The following USP16 variants were observed in gnomAD, a reference collection of about 807,000 sequenced individuals.
USP16 encodes the protein ubiquitin carboxyl-terminal hydrolase 16.
In USP16, 77 loss-of-function variants were observed where a neutral mutation model predicts 95.9. The observed-to-expected ratio is 0.80, with a 90% CI of 0.67 to 0.97. The LOEUF is 0.97. USP16 is among the 50% of genes least tolerant of loss of function. USP16 has a pLI of 0.00. For missense variants in USP16, 943 were observed against 959.9 expected, an observed-to-expected ratio of 0.98 and a Z score of 0.23; for synonymous variants, 303 against 318.2, an observed-to-expected ratio of 0.95 and a Z score of 0.51.
chr21:29,042,762 T>TTAC (rs2085264142), intron 12 of USP16: 1 of 422,240 alleles, frequency 2.4e-6, no homozygotes, highest in Non-Finnish European at 4.1e-6. Context: ...ATTAGTTTGA[T>TTAC]TGGTTTCCAT....
chr21:29,039,641 A>C, intron 9 of USP16, 73 bp downstream of exon 9: 1 of 1,413,908 alleles, frequency 7.1e-7, no homozygotes, highest in Non-Finnish European at 9.5e-7. Context: ...ATATCTTACG[A>C]GTTAAAACAA....
intron 2 of USP16, among the ~76,000 whole-genome samples, chr21:29,028,405 G>A (rs1349754447): frequency 1.3e-5 from 2 of 148,896 alleles, no homozygotes; most frequent in African/African-American, 5.0e-5. Context: ...AGGATTACAC[G>A]TGAGAGCCAC....
intron 16 of USP16, among the ~76,000 whole-genome samples, chr21:29,051,021 A>G (rs752514513): frequency 6.6e-6 from 1 of 152,126 alleles, no homozygotes; most frequent in South Asian, 2.1e-4. Context: ...AGATAGAAGG[A>G]ATATTTCAGG....
At chr21:29,032,994 C>T (rs948634462) in intron 3 of USP16, among the ~76,000 whole-genome samples, 1 of 151,974 alleles carries the variant, frequency 6.6e-6, no homozygotes, top group Non-Finnish European at 1.5e-5. Context: ...ATACTGATAT[C>T]TCATTGTGGT....
Position 29,036,356 on chromosome 21 carries a change from A to C in USP16, c.430A>C (p.Ile144Leu), listed in dbSNP as rs200075943. The change falls in exon 5 of 18, where the codon ATT becomes CTT. Residue 144 changes from isoleucine to leucine, a missense_variant. Transcript: ENST00000399976. ...VVDYVRKQAS[I>L]TTPKPAEKDN... ...TGATTATGTCAGAAAACAAGCCAGC[A>C]TTACAACTCCAAAGCCAGGTAAAAT... The C allele has an allele frequency of 6.2e-7, 1 of 1,613,966 alleles. No individual in the cohort carries two copies. Among genetic ancestry groups the C allele is most frequent in the East Asian group, 2.2e-5 (1 of 44,836 alleles).
At chr21:29,032,834 A>G (rs2085097178) in intron 3 of USP16, among the ~76,000 whole-genome samples, 1 of 152,150 alleles carries the variant, frequency 6.6e-6, no homozygotes, top group African/African-American at 2.4e-5. Context: ...TTTTTAAGAA[A>G]CTGCCAAACT....
chr21:29,040,734 G>A, intron 10 of USP16, 47 bp downstream of exon 10: 2 of 1,036,624 alleles, frequency 1.9e-6, no homozygotes, highest in African/African-American at 1.6e-5. Flanking sequence ...GAATTCCTCT[G>A]TACCTTAGGA....
intron 8 of USP16, 41 bp from the exon 9 acceptor site, chr21:29,039,440 T>TAGA (rs1356673217): frequency 5.1e-6 from 8 of 1,583,966 alleles, no homozygotes; most frequent in Non-Finnish European, 6.1e-6. Flanking sequence ...CAGAGCTTAG[T>TAGA]AGACTGAAGA....
intron 3 of USP16, among the ~76,000 whole-genome samples, chr21:29,033,810 A>G (rs2085111693): frequency 6.6e-6 from 1 of 152,228 alleles, no homozygotes; most frequent in Non-Finnish European, 1.5e-5. Context: ...GAATTTGTTT[A>G]AAGGAAGGAG....
chr21:29,024,815 C>T (rs945573370), intron 1 of USP16, 38 bp downstream of exon 1: 2 of 1,252,852 alleles, frequency 1.6e-6, no homozygotes, highest in Admixed American at 2.7e-5. Flanking sequence ...TCGTCGCTCG[C>T]CTGGCTTTCT....
chr21:29,043,535 T>C lies in USP16; in HGVS notation c.1292T>C (p.Ile431Thr), dbSNP rs1303545519. ...AGTTACATAAAAGAGAGAAGTGATA[T>C]TCCTTCTGGAACAAGTAAGCACTTA... ...NDSYIKERSD[I>T]PSGTSKHLQK... Residue 431 changes from isoleucine to threonine, a missense_variant, in exon 13 of 18, where the codon ATT becomes ACT. Ile to Thr is a moderately conservative substitution (Grantham distance 89). Coordinates refer to ENST00000399976, the MANE Select transcript of USP16 (RefSeq NM_006447.3). 3 of 1,600,514 alleles carry C rather than the reference T, an allele frequency of 1.9e-6. No individual in the cohort carries two copies. The highest frequency in any genetic ancestry group is 8.5e-7 in the Non-Finnish European group (1 of 1,174,888).
At chr21:29,047,876 T>G (rs1249020881) in intron 14 of USP16, among the ~76,000 whole-genome samples, 2 of 151,920 alleles carry the variant, frequency 1.3e-5, no homozygotes, top group African/African-American at 4.8e-5. Context: ...AAGTAGAATT[T>G]TATTTATTTA....
intron 13 of USP16, among the ~76,000 whole-genome samples, chr21:29,044,624 T>C (rs1301990585): frequency 1.3e-5 from 2 of 152,032 alleles, no homozygotes; most frequent in Non-Finnish European, 1.5e-5. Context: ...ACTTTTGTAT[T>C]TTTAGTAAAG....
In USP16 at chr21:29,050,167, C is replaced by G. The variant is rs2085392892; in HGVS notation, c.2182C>G (p.Leu728Val). ...CTTAGATTTGGCTCCTTTTTGCACC[C>G]TTAAATGTAAGGTAAGTCAAAGTGG... ...EILDLAPFCT[L>V]KCKNVAEENT... The change falls in exon 16 of 18, where the codon CTT becomes GTT. Residue 728 changes from leucine to valine, a missense_variant. By Grantham distance (32) the Leu-to-Val change is conservative. Coordinates refer to ENST00000399976, the MANE Select transcript of USP16 (RefSeq NM_006447.3). 3 of 1,613,088 alleles carry G rather than the reference C, an allele frequency of 1.9e-6. No individual in the cohort carries two copies. The South Asian group carries it at 3.3e-5, about 18-fold the overall frequency.
intron 12 of USP16, 64 bp downstream of exon 12, chr21:29,042,592 A>AG (rs1271095112): frequency 3.5e-6 from 5 of 1,448,212 alleles, no homozygotes; most frequent in Non-Finnish European, 4.7e-6. Flanking sequence ...TGTGGGGGGA[A>AG]GCCTTGTTAC....
In USP16 at chr21:29,036,391, C is replaced by T; in HGVS notation, c.448+17C>T. 1 of 1,606,772 alleles carries T rather than the reference C, an allele frequency of 6.2e-7. No individual in the cohort carries two copies. The highest frequency in any genetic ancestry group is 8.5e-7 in the Non-Finnish European group (1 of 1,173,924). On this transcript the variant is annotated intron_variant, in intron 5 of 17. Transcript: ENST00000399976. ...CAAAGCCAGGTAAAATAATTTGTTT[C>T]TTTAATATACACCAAATGTCGATTT... is the stretch of plus-strand genomic sequence containing the variant.
At position 29,046,691 on chromosome 21, in the gene USP16, C is replaced by A; in HGVS notation, c.1381C>A (p.Gln461Lys). 6.2e-7 allele frequency: 1 copy of A among 1,604,480 alleles called. No individual in the cohort carries two copies. Among genetic ancestry groups the A allele is most frequent in the South Asian group, 1.1e-5 (1 of 88,958 alleles). ...AKNQRRQQKI[Q>K]GKVLHLNDIC... ...GAACCAACGAAGACAACAAAAAATT[C>A]AAGGAAAAGTTCTTCATTTAAATGA... The change falls in exon 14 of 18, where the codon CAA (glutamine) becomes AAA (lysine). Residue 461 changes from glutamine (Q) to lysine (K), a missense_variant. By Grantham distance (53) the Gln-to-Lys change is moderately conservative. Transcript: ENST00000399976.
At chr21:29,049,319 A>G (rs970284175) in intron 15 of USP16, among the ~76,000 whole-genome samples, 2 of 152,164 alleles carry the variant, frequency 1.3e-5, no homozygotes, top group African/African-American at 4.8e-5. Context: ...CTGTGTTGCA[A>G]ATTCCGAAAG....
At chr21:29,043,807 A>G (rs1436558244) in intron 13 of USP16, among the ~76,000 whole-genome samples, 2 of 152,132 alleles carry the variant, frequency 1.3e-5, no homozygotes, top group Non-Finnish European at 2.9e-5. Context: ...TTTTTTTTTA[A>G]ATCCTGCATT....
Sources: allele counts gnomAD v4.1 joint callset (sites outside exome capture counted in the v4.1 genomes callset), GRCh38; gene constraint gnomAD v4.1.1; transcripts MANE v1.5; gene names NCBI Gene and HGNC (gene_info 2026-07-23, HGNC 2026-07-21).